Variants in FAR2 observed in about 807,000 individuals in gnomAD.
FAR2 encodes the protein fatty acyl-CoA reductase 2.
FAR2 carries 19 observed loss-of-function variants against 56.0 expected under a neutral mutation model. That is an observed-to-expected ratio of 0.34 (90% CI 0.24 to 0.50). The LOEUF is 0.50. Ranked by LOEUF, FAR2 falls within the 20% of genes least tolerant of loss-of-function variation. FAR2 has a pLI of 0.98. For missense variants in FAR2, 508 were observed against 642.2 expected, an observed-to-expected ratio of 0.79 and a Z score of 2.26; for synonymous variants, 219 against 218.8, an observed-to-expected ratio of 1.00 and a Z score of -0.01.
chr12:29,259,963 G>C (rs1389683294), intron 1 of FAR2, among the ~76,000 whole-genome samples: 1 of 152,164 alleles, frequency 6.6e-6, no homozygotes, highest in Non-Finnish European at 1.5e-5. Flanking sequence ...TTAGTAGTCT[G>C]AGAAAATATG....
chr12:29,268,387 A>G (rs1010988640), intron 1 of FAR2, among the ~76,000 whole-genome samples: 1 of 152,170 alleles, frequency 6.6e-6, no homozygotes, highest in Non-Finnish European at 1.5e-5. Context: ...ATTATCTCCA[A>G]CCAGAACTGA....
intron 7 of FAR2, 104 bp downstream of exon 7, chr12:29,311,250 G>A: frequency 1.4e-6 from 1 of 737,982 alleles, no homozygotes; most frequent in Non-Finnish European, 2.4e-6. Flanking sequence ...GACCCCAAAT[G>A]TGTGAAAGTG....
At chr12:29,192,057 T>G (rs1160179448) in intron 1 of FAR2, among the ~76,000 whole-genome samples, 1 of 152,228 alleles carries the variant, frequency 6.6e-6, no homozygotes, top group Non-Finnish European at 1.5e-5. Flanking sequence ...CTCTAAACAG[T>G]TAGCTTTCCA....
chr12:29,175,134 A>G (rs1009804889), intron 1 of FAR2, among the ~76,000 whole-genome samples: 6 of 152,160 alleles, frequency 3.9e-5, no homozygotes, highest in African/African-American at 1.4e-4. Context: ...AATTCTAAGG[A>G]AAAGTAGGAC....
chr12:29,260,975 CAT>C (rs1291055492), intron 1 of FAR2, among the ~76,000 whole-genome samples: 2 of 152,206 alleles, frequency 1.3e-5, no homozygotes, highest in Non-Finnish European at 2.9e-5. Context: ...TGACAAAAGA[CAT>C]AGATCACAAC....
intron 8 of FAR2, 120 bp from the exon 9 acceptor site, chr12:29,316,721 T>C: frequency 1.0e-6 from 1 of 993,972 alleles, no homozygotes; most frequent in East Asian, 2.4e-5. Flanking sequence ...AGAAATTGAT[T>C]CTTGACTCTA....
At chr12:29,296,903 T>A in intron 3 of FAR2, 118 bp from the exon 4 acceptor site, 2 of 812,976 alleles carry the variant, frequency 2.5e-6, no homozygotes, top group Non-Finnish European at 3.9e-6. Flanking sequence ...CTCTTCCTGG[T>A]GTTTTGGTGC....
At chr12:29,216,010 C>T (rs1050328771) in intron 1 of FAR2, among the ~76,000 whole-genome samples, 5 of 152,160 alleles carry the variant, frequency 3.3e-5, no homozygotes, top group African/African-American at 1.2e-4. Flanking sequence ...TAGGGCACCC[C>T]AAATTGTGCC....
At chr12:29,312,536 T>G (rs1461140391) in intron 8 of FAR2, among the ~76,000 whole-genome samples, 1 of 152,138 alleles carries the variant, frequency 6.6e-6, no homozygotes, top group Non-Finnish European at 1.5e-5. Context: ...ACCAAGGTCT[T>G]GGGTGGTGCT....
At chr12:29,187,041 G>A (rs541232331) in intron 1 of FAR2, among the ~76,000 whole-genome samples, 1 of 152,220 alleles carries the variant, frequency 6.6e-6, no homozygotes, top group Non-Finnish European at 1.5e-5. Context: ...GCCCACCTCG[G>A]CCTCCCAAAG....
At chr12:29,165,558 A>G (rs368964127) in intron 1 of FAR2, among the ~76,000 whole-genome samples, 1 of 152,234 alleles carries the variant, frequency 6.6e-6, no homozygotes, top group East Asian at 1.9e-4. Context: ...AACCTAAAGA[A>G]TGCTTTGGGT....
intron 10 of FAR2, among the ~76,000 whole-genome samples, chr12:29,326,583 C>A (rs868357152): frequency 6.6e-6 from 1 of 152,338 alleles, no homozygotes; most frequent in South Asian, 2.1e-4. Context: ...CCCTGGGATG[C>A]AAGGCTGGTT....
intron 1 of FAR2, among the ~76,000 whole-genome samples, chr12:29,259,948 C>T (rs1042206156): frequency 6.6e-6 from 1 of 152,134 alleles, no homozygotes; most frequent in Non-Finnish European, 1.5e-5. Context: ...CCTCTGCTCT[C>T]TGCATTAGTA....
At chr12:29,234,668 A>G (rs1345872269) in intron 1 of FAR2, among the ~76,000 whole-genome samples, 3 of 152,162 alleles carry the variant, frequency 2.0e-5, no homozygotes, top group Admixed American at 1.3e-4. Flanking sequence ...CTTAACCTTC[A>G]GGATAAAACT....
chr12:29,210,167 C>T (rs1947527585), intron 1 of FAR2, among the ~76,000 whole-genome samples: 1 of 152,140 alleles, frequency 6.6e-6, no homozygotes, highest in African/African-American at 2.4e-5. Context: ...GATCATGCCA[C>T]TGCACTCCAG....
chr12:29,226,364 G>A (rs886454889), intron 1 of FAR2, among the ~76,000 whole-genome samples: 1 of 152,156 alleles, frequency 6.6e-6, no homozygotes, highest in Non-Finnish European at 1.5e-5. Context: ...CATAGGATGT[G>A]AGAATTGTCT....
intron 4 of FAR2, among the ~76,000 whole-genome samples, chr12:29,302,511 T>G (rs2136771768): frequency 6.6e-6 from 1 of 152,292 alleles, no homozygotes; most frequent in East Asian, 1.9e-4. Context: ...TAGTCCATCT[T>G]GGCAGCGCAT....
chr12:29,219,615 T>G (rs1425619133), intron 1 of FAR2, among the ~76,000 whole-genome samples: 2 of 152,120 alleles, frequency 1.3e-5, no homozygotes, highest in South Asian at 4.1e-4. Flanking sequence ...GTGTTTTAAC[T>G]CTGAGTAGAC....
In FAR2 at chr12:29,311,082, G is replaced by A. The variant is rs139633375; in HGVS notation, c.823G>A (p.Val275Ile). The change falls in exon 7 of 12, where the codon GTA (valine) becomes ATA (isoleucine). Residue 275 changes from valine (V) to isoleucine (I), a missense_variant. Val to Ile is a conservative substitution (Grantham distance 29, BLOSUM62 3). Coordinates refer to ENST00000536681, the MANE Select transcript of FAR2 (RefSeq NM_001271783.2). ...IKATPMAVAD[V>I]IPVDTVVNLM... ...AGCTACTCCAATGGCTGTGGCAGAC[G>A]TAATTCCAGTTGATACAGTCGTCAA... The A allele has an allele frequency of 3.1e-6, 5 of 1,613,494 alleles. No homozygotes were observed. The African/African-American group carries it at 4.0e-5, about 13-fold the overall frequency.
Sources: gnomAD v4.1 joint callset for allele counts (sites outside exome capture counted in the v4.1 genomes callset) on GRCh38, gnomAD v4.1.1 for gene constraint, MANE v1.5 for transcripts, NCBI Gene and HGNC (gene_info 2026-07-23, HGNC 2026-07-21) for gene names.